Variants in TENM3 observed in about 807,000 individuals in gnomAD.
TENM3 encodes the protein teneurin-3.
A neutral mutation model predicts 255.1 loss-of-function variants in TENM3; 63 were observed. The ratio of observed to expected loss-of-function variants is 0.25; its 90% CI spans 0.20 to 0.30. The LOEUF is 0.30. Among genes scored for constraint, TENM3 ranks in the 10% least tolerant of loss-of-function variants. TENM3 has a pLI of 1.00. For synonymous variants in TENM3, 1,306 were observed against 1,322.3 expected (o/e 0.99, Z 0.27); for missense variants, 2,929 against 3,461.1 (o/e 0.85, Z 3.86).
At chr4:181,743,637 G>T in the TENM3 span, among the ~76,000 whole-genome samples, 1 of 152,094 alleles carries the variant, frequency 6.6e-6, no homozygotes, top group Non-Finnish European at 1.5e-5. Flanking sequence ...ATAGGCAGGA[G>T]TGTGGGCACC....
chr4:181,653,744 G>C, the TENM3 span, among the ~76,000 whole-genome samples: 1 of 148,244 alleles, frequency 6.7e-6, no homozygotes, highest in African/African-American at 2.5e-5. Flanking sequence ...GGTGCAGAAC[G>C]TGCAGGTTTG....
chr4:182,181,245 C>T (rs185378180), intron 1 of TENM3, among the ~76,000 whole-genome samples: 1 of 152,216 alleles, frequency 6.6e-6, no homozygotes, highest in African/African-American at 2.4e-5. Flanking sequence ...AACCTTGAAC[C>T]TAACAATAAG....
intron 1 of TENM3, among the ~76,000 whole-genome samples, chr4:182,176,845 T>TTG (rs1752522366): frequency 7.3e-6 from 1 of 136,662 alleles, no homozygotes; most frequent in African/African-American, 3.1e-5. Context: ...TTTTTTTTTT[T>TTG]TTGATTTTTA....
chr4:182,674,024 G>A (rs1755445877), intron 7 of TENM3, among the ~76,000 whole-genome samples: 1 of 152,078 alleles, frequency 6.6e-6, no homozygotes, highest in Admixed American at 6.6e-5. Context: ...CATAAAATTG[G>A]AACTGAGACT....
At chr4:181,617,810 C>T in the TENM3 span, among the ~76,000 whole-genome samples, 1 of 152,192 alleles carries the variant, frequency 6.6e-6, no homozygotes, top group Non-Finnish European at 1.5e-5. Flanking sequence ...GGATACCCTA[C>T]AACTTCGCAT....
chr4:182,275,158 G>A (rs894171894), intron 1 of TENM3, among the ~76,000 whole-genome samples: 1 of 152,076 alleles, frequency 6.6e-6, no homozygotes, highest in Non-Finnish European at 1.5e-5. Context: ...TTGATTAGTT[G>A]GTTAGTTTTT....
chr4:182,780,174 C>T (rs1277006638), intron 24 of TENM3, among the ~76,000 whole-genome samples: 2 of 152,024 alleles, frequency 1.3e-5, no homozygotes, highest in Non-Finnish European at 2.9e-5. Flanking sequence ...TCTTCTAGGG[C>T]TTTTATGGTT....
chr4:182,080,154 G>T, the TENM3 span, among the ~76,000 whole-genome samples: 1 of 152,176 alleles, frequency 6.6e-6, no homozygotes, highest in Non-Finnish European at 1.5e-5. Flanking sequence ...GATCACCTCT[G>T]CCTAACCCAC....
intron 19 of TENM3, among the ~76,000 whole-genome samples, chr4:182,749,983 GAA>G (rs201463686): frequency 2.1e-5 from 1 of 47,198 alleles, no homozygotes; most frequent in South Asian, 6.3e-4. Context: ...TTATAGAAAG[GAA>G]AAAAAAAAAA....
the TENM3 span, among the ~76,000 whole-genome samples, chr4:181,625,849 A>T: frequency 1.3e-5 from 2 of 151,726 alleles, no homozygotes; most frequent in Non-Finnish European, 2.9e-5. Context: ...AATAATAATA[A>T]TATTGTATAT....
chr4:181,485,456 T>C, the TENM3 span, among the ~76,000 whole-genome samples: 7 of 151,226 alleles, frequency 4.6e-5, no homozygotes, highest in Non-Finnish European at 1.0e-4. Flanking sequence ...TTATATTAGA[T>C]GTACTAAAGG....
intron 6 of TENM3, among the ~76,000 whole-genome samples, chr4:182,663,316 A>T (rs962915896): frequency 2.0e-5 from 3 of 152,054 alleles, no homozygotes; most frequent in African/African-American, 7.2e-5. Flanking sequence ...ATTTTTTGAG[A>T]TCATACGTTT....
At chr4:182,763,080 G>C (rs763640924) in intron 22 of TENM3, among the ~76,000 whole-genome samples, 31 of 152,200 alleles carry the variant, frequency 2.0e-4, no homozygotes, top group Admixed American at 4.6e-4. Context: ...TTCTCTTTAA[G>C]TGTATTTTAA....
intron 5 of TENM3, 100 bp from the exon 6 acceptor site, chr4:182,653,671 T>C: frequency 7.6e-7 from 1 of 1,323,264 alleles, no homozygotes. Flanking sequence ...AAAATGGAAA[T>C]TGTAACTTTA....
At chr4:182,392,356 T>G (rs758170290) in intron 3 of TENM3, among the ~76,000 whole-genome samples, 3 of 152,234 alleles carry the variant, frequency 2.0e-5, no homozygotes, top group Non-Finnish European at 2.9e-5. Context: ...CTCACCATCT[T>G]TCACTTTACC....
intron 3 of TENM3, among the ~76,000 whole-genome samples, chr4:182,585,291 G>C (rs1745904130): frequency 6.6e-6 from 1 of 152,144 alleles, no homozygotes. Flanking sequence ...GGGACAGGGA[G>C]CTTAAACTGT....
rs577538719 is a variant in TENM3, at chr4:182,423,439, C to T, written c.511+76510C>T. On this transcript the variant is annotated intron_variant, in intron 3 of 27. Transcript: ENST00000511685. ...GTCAATATGGTTGCATTATTCTTTC[C>T]GGCTCTTTGGTGATGTCCTGTATTA... Among the ~76,000 whole-genome samples, 17 of 152,126 alleles carry T rather than the reference C, an allele frequency of 1.1e-4. No homozygotes were observed. The East Asian group carries it at 2.5e-3, about 23-fold the overall frequency.
rs993525605 is a variant in TENM3, at chr4:182,537,091, A to G, written c.512-63833A>G. Among the ~76,000 whole-genome samples the G allele has an allele frequency of 2.0e-5, 3 of 152,220 alleles. No individual in the cohort carries two copies. In the South Asian group the frequency reaches 6.2e-4, roughly 32 times the overall value. ...GGAAAAATAAGGATTTCAAGGAAGTACAGTGTGAATGAAGTGTTAGGAGCT... is the reference window on the plus strand; with the variant it reads ...GGAAAAATAAGGATTTCAAGGAAGTGCAGTGTGAATGAAGTGTTAGGAGCT... On this transcript the variant is annotated intron_variant, in intron 3 of 27. Transcript: ENST00000511685.
chr4:182,028,651 A>G, the TENM3 span, among the ~76,000 whole-genome samples: 1 of 152,060 alleles, frequency 6.6e-6, no homozygotes, highest in Admixed American at 6.5e-5. Context: ...TGTTTCCACT[A>G]TCATTTGTTT....
Sources: gnomAD v4.1 joint callset for allele counts (sites outside exome capture counted in the v4.1 genomes callset) on GRCh38, gnomAD v4.1.1 for gene constraint, MANE v1.5 for transcripts, NCBI Gene and HGNC (gene_info 2026-07-23, HGNC 2026-07-21) for gene names.